The following EYA1 variants were observed in gnomAD, a reference collection of about 807,000 sequenced individuals.
The protein encoded by EYA1 is EYA transcriptional coactivator and phosphatase 1, also known as protein phosphatase EYA1.
In EYA1, 16 loss-of-function variants were observed where a neutral mutation model predicts 82.0. The observed-to-expected ratio is 0.20, with a 90% CI of 0.13 to 0.30. EYA1 has a LOEUF of 0.30. Ranked by LOEUF, EYA1 falls within the 10% of genes least tolerant of loss-of-function variation. The pLI, the probability that EYA1 is intolerant of heterozygous loss-of-function variation, is 1.00. For missense variants in EYA1, 633 were observed against 730.7 expected (o/e 0.87, Z 1.54); for synonymous variants, 261 against 264.4 (o/e 0.99, Z 0.12).
upstream of EYA1, chr8:71,362,175 T>TTGG: frequency 1.0e-6 from 1 of 979,086 alleles, no homozygotes; most frequent in Non-Finnish European, 1.2e-6. Flanking sequence ...TTTTTTTTTT[T>TTGG]TTTTTGGTTT....
intron 7 of EYA1, among the ~76,000 whole-genome samples, chr8:71,307,456 G>A (rs908256016): frequency 1.8e-4 from 27 of 152,104 alleles, no homozygotes; most frequent in African/African-American, 5.5e-4. Context: ...AAGCGTGTCC[G>A]TCCCACCACA....
At chr8:71,513,096 T>C (rs1288341185) in intron 2 of EYA1, among the ~76,000 whole-genome samples, 1 of 152,146 alleles carries the variant, frequency 6.6e-6, no homozygotes, top group Non-Finnish European at 1.5e-5. Context: ...CAAGGTGCCT[T>C]TTAAGTATGA....
At chr8:71,408,709 C>T (rs1290760671) in intron 2 of EYA1, among the ~76,000 whole-genome samples, 1 of 124,986 alleles carries the variant, frequency 8.0e-6, no homozygotes, top group East Asian at 2.1e-4. Context: ...ACAGGAGCAC[C>T]CAGATTCATA....
rs113985115 is a variant in EYA1 at position 71,247,061 on chromosome 8, G to A, written c.1051-2369C>T. Among the ~76,000 whole-genome samples, 294 of 144,560 alleles carry A rather than the reference G, an allele frequency of 2.0e-3. 2 individuals are homozygous for A. Among genetic ancestry groups the A allele is most frequent in the African/African-American group, 7.0e-3 (271 of 38,450 alleles). The allele number at this position is 144,560 out of a possible 152,430, so 94.8% of individuals were successfully genotyped here. ...TAATACTTCCTACTGTCTTGGCACC[G>A]CCCACATCCCTCCAGCACCTCCCAC... is the stretch of plus-strand genomic sequence containing the variant. On this transcript the variant is annotated intron_variant, in intron 11 of 17. Coordinates refer to ENST00000340726, the MANE Select transcript of EYA1 (RefSeq NM_000503.6).
intron 2 of EYA1, among the ~76,000 whole-genome samples, chr8:71,417,938 T>G (rs79295108): frequency 9.2e-4 from 140 of 152,358 alleles, no homozygotes; most frequent in African/African-American, 3.2e-3. Flanking sequence ...GAAATCATCC[T>G]GAATGCCTCT....
chr8:71,455,969 C>T (rs536574760), intron 2 of EYA1, among the ~76,000 whole-genome samples: 31 of 152,260 alleles, frequency 2.0e-4, no homozygotes, highest in Non-Finnish European at 4.0e-4. Flanking sequence ...GTCAAATTGT[C>T]CCTGTTTGCA....
intron 9 of EYA1, among the ~76,000 whole-genome samples, chr8:71,294,386 G>C (rs932719671): frequency 6.6e-6 from 1 of 152,068 alleles, no homozygotes; most frequent in Non-Finnish European, 1.5e-5. Context: ...GTGAACCCCG[G>C]GGGGCGGAGC....
At position 71,317,542 on chromosome 8, in the gene EYA1, A is replaced by G. The variant is rs749170473; in HGVS notation, c.556+10T>C. 6.2e-7 allele frequency: 1 copy of G among 1,613,616 alleles called. No individual in the cohort carries two copies. The highest frequency in any genetic ancestry group is 8.5e-7 in the Non-Finnish European group (1 of 1,179,564). ...AGGGTTAAGGAAAATAGCAATGTGT[A>G]TATACAGACCTTGCATCTGGTAGCT... is the stretch of plus-strand genomic sequence containing the variant. On this transcript the variant is annotated intron_variant, in intron 7 of 17. Transcript: ENST00000340726.
intron 9 of EYA1, among the ~76,000 whole-genome samples, chr8:71,281,966 T>C (rs1173948803): frequency 1.3e-5 from 2 of 152,222 alleles, no homozygotes; most frequent in Non-Finnish European, 2.9e-5. Context: ...TGGCGCTGCC[T>C]ATATTTATTA....
chr8:71,392,200 G>T (rs1829316197), intron 2 of EYA1, among the ~76,000 whole-genome samples: 1 of 152,190 alleles, frequency 6.6e-6, no homozygotes, highest in Admixed American at 6.5e-5. Flanking sequence ...CCCCAGTGGA[G>T]CTGTCCTCAG....
chr8:71,299,769 T>C (rs368604266), intron 7 of EYA1, 49 bp from the exon 8 acceptor site: 403 of 986,140 alleles, frequency 4.1e-4, no homozygotes, highest in Non-Finnish European at 5.1e-4. Flanking sequence ...TGTGGAATAA[T>C]GTGGGTACAG....
intron 7 of EYA1, among the ~76,000 whole-genome samples, chr8:71,301,734 C>T (rs1820218370): frequency 6.6e-6 from 1 of 152,138 alleles, no homozygotes; most frequent in Non-Finnish European, 1.5e-5. Context: ...GTGCTAGTAG[C>T]CACCACAATT....
intron 2 of EYA1, among the ~76,000 whole-genome samples, chr8:71,456,596 A>T (rs538641748): frequency 2.0e-5 from 3 of 152,284 alleles, no homozygotes; most frequent in Admixed American, 2.0e-4. Flanking sequence ...CCTCAGAAAT[A>T]ATATCACACC....
intron 2 of EYA1, among the ~76,000 whole-genome samples, chr8:71,375,313 C>T (rs888260632): frequency 6.7e-6 from 1 of 150,128 alleles, no homozygotes; most frequent in African/African-American, 2.5e-5. Flanking sequence ...GCTAGAAGAG[C>T]TTACATATAG....
At chr8:71,518,233 A>G (rs1214056642) in intron 2 of EYA1, among the ~76,000 whole-genome samples, 1 of 152,122 alleles carries the variant, frequency 6.6e-6, no homozygotes, top group Non-Finnish European at 1.5e-5. Context: ...AATCTTTACT[A>G]CATACTTACT....
intron 2 of EYA1, among the ~76,000 whole-genome samples, chr8:71,494,774 G>A (rs1811287722): frequency 6.6e-6 from 1 of 152,016 alleles, no homozygotes; most frequent in Non-Finnish European, 1.5e-5. Context: ...TCTAAAATAT[G>A]TATAAGGAAA....
chr8:71,437,086 TATA>T (rs1806067540), intron 2 of EYA1, among the ~76,000 whole-genome samples: 1 of 42,588 alleles, frequency 2.3e-5, no homozygotes, highest in Non-Finnish European at 5.1e-5. Flanking sequence ...ATCTTGTTTA[TATA>T]TATATATATA....
chr8:71,475,496 C>T (rs1297962018), intron 2 of EYA1, among the ~76,000 whole-genome samples: 1 of 151,926 alleles, frequency 6.6e-6, no homozygotes, highest in African/African-American at 2.4e-5. Flanking sequence ...TTTTTATAGG[C>T]AAAAATATAA....
intron 2 of EYA1, among the ~76,000 whole-genome samples, chr8:71,400,970 G>A (rs1829924390): frequency 6.6e-6 from 1 of 152,232 alleles, no homozygotes; most frequent in Non-Finnish European, 1.5e-5. Context: ...AAAGGAATGA[G>A]ATCATGCCCT....
Sources: allele counts gnomAD v4.1 joint callset (sites outside exome capture counted in the v4.1 genomes callset), GRCh38; gene constraint gnomAD v4.1.1; transcripts MANE v1.5; gene names NCBI Gene and HGNC (gene_info 2026-07-23, HGNC 2026-07-21).